Variants in ISG20 observed in about 807,000 individuals in gnomAD.
ISG20 encodes interferon stimulated exonuclease gene 20, also known as interferon-stimulated gene 20 kDa protein.
In ISG20, 8 loss-of-function variants were observed where a neutral mutation model predicts 11.1. The ratio of observed to expected loss-of-function variants is 0.72; its 90% CI spans 0.42 to 1.30. The LOEUF (loss-of-function observed/expected upper bound fraction) is 1.30, where lower values mean the gene tolerates loss of function less well. ISG20 is among the 50% of genes most tolerant of loss of function. The pLI, the probability that ISG20 is intolerant of heterozygous loss-of-function variation, is 0.01. For synonymous variants in ISG20, 110 were observed against 101.7 expected, an observed-to-expected ratio of 1.08 and a Z score of -0.49; for missense variants, 243 against 250.2, an observed-to-expected ratio of 0.97 and a Z score of 0.19.
At position 88,643,151 on chromosome 15, in the gene ISG20, C is replaced by G. The variant is rs967701192; in HGVS notation, c.228+3557C>G. 6.6e-6 allele frequency among the ~76,000 whole-genome samples: 1 copy of G among 152,042 alleles called. No individual in the cohort carries two copies. Among genetic ancestry groups the G allele is most frequent in the Non-Finnish European group, 1.5e-5 (1 of 67,992 alleles). ...TCGAGGAGGCTGAGGTGAAGTATTG[C>G]TTGAGCCCAGGAGTTTGAGGCTGTA... On this transcript the variant is annotated intron_variant, in intron 2 of 3. Transcript: ENST00000306072. The surrounding 1 kb of genome is among the most constrained non-coding windows in gnomAD (Gnocchi z 4.4).
At chr15:88,651,326 A>T in intron 2 of ISG20, 1 of 977,004 alleles carries the variant, frequency 1.0e-6, no homozygotes, top group Non-Finnish European at 1.2e-6. Context: ...GAAGCCATCA[A>T]CTTAGTGATT....
intron 2 of ISG20, chr15:88,649,050 C>T (rs2058227641): frequency 6.6e-6 from 1 of 152,262 alleles, no homozygotes; most frequent in South Asian, 2.1e-4. Context: ...CTTTTCAGAC[C>T]TGCCTCAGTC....
chr15:88,639,657 T>C lies in ISG20; in HGVS notation c.228+63T>C. The C allele has an allele frequency of 7.7e-7, 1 of 1,304,128 alleles. No individual in the cohort carries two copies. The highest frequency in any genetic ancestry group is 1.2e-5 in the South Asian group (1 of 81,562). 80.8% of individuals were successfully genotyped at this position (1,304,128 alleles called of 1,614,324 possible). ...ACCCCTCTCCCACTTCCCTGGCCCC[T>C]CTTCCCTGGTGCCCATCTGTGACCT... On this transcript the variant is annotated intron_variant, in intron 2 of 3. Coordinates refer to ENST00000306072, the MANE Select transcript of ISG20 (RefSeq NM_002201.6). This position sits in a 1 kb window ranked among gnomAD's most constrained non-coding sequence, Gnocchi z 4.2.
At chr15:88,642,680 G>A (rs888666372) in intron 2 of ISG20, among the ~76,000 whole-genome samples, 4 of 152,194 alleles carry the variant, frequency 2.6e-5, no homozygotes, top group Admixed American at 6.5e-5. Flanking sequence ...GTGGCGGCGC[G>A]ATCTCGGCTC....
intron 2 of ISG20, chr15:88,651,866 C>T (rs1567122391): frequency 2.2e-6 from 3 of 1,373,878 alleles, no homozygotes; most frequent in East Asian, 5.7e-5. Flanking sequence ...AACCATTGCT[C>T]CTACACAGTT....
Position 88,652,213 on chromosome 15 carries a change from C to G in ISG20, c.332C>G (p.Ser111Cys). 6.2e-7 allele frequency: 1 copy of G among 1,614,078 alleles called. No homozygotes were observed. Among genetic ancestry groups the G allele is most frequent in the Non-Finnish European group, 8.5e-7 (1 of 1,179,984 alleles). ...AGCGGCTACACAATCTACGACACGT[C>G]CACTGACAGGCTGTTGTGGCGTGAG... is the stretch of plus-strand genomic sequence containing the variant. Reference protein sequence around the residue: ...DMSGYTIYDTSTDRLLWREAK... With the variant: ...DMSGYTIYDTCTDRLLWREAK... Residue 111 changes from serine (S) to cysteine (C), a missense_variant, in exon 3 of 4, where the codon TCC (serine) becomes TGC (cysteine). Coordinates refer to ENST00000306072, the MANE Select transcript of ISG20 (RefSeq NM_002201.6).
upstream of ISG20, among the ~76,000 whole-genome samples, chr15:88,636,935 A>G (rs567779757): frequency 6.6e-6 from 1 of 152,342 alleles, no homozygotes; most frequent in South Asian, 2.1e-4. Context: ...TTCAAGAGTA[A>G]GGGGACAGCA....
chr15:88,651,454 G>T (rs1482217448), intron 2 of ISG20: 1 of 306,072 alleles, frequency 3.3e-6, no homozygotes, highest in Non-Finnish European at 4.8e-6. Context: ...CTCTGGGGAA[G>T]AATCCATTTC....
chr15:88,647,130 G>C (rs61421071), intron 2 of ISG20: 75,551 of 151,718 alleles, frequency 0.5, 19,690 homozygotes, highest in Non-Finnish European at 0.57. Flanking sequence ...GGAGTAGTGA[G>C]TGTGCCCAGC....
At chr15:88,636,767 C>G, upstream of ISG20, among the ~76,000 whole-genome samples, 1 of 152,124 alleles carries the variant, frequency 6.6e-6, no homozygotes. Context: ...TTCCTGGCCT[C>G]AAGCAAATCC....
chr15:88,647,218 C>G (rs2058192142), intron 2 of ISG20: 1 of 151,896 alleles, frequency 6.6e-6, no homozygotes, highest in South Asian at 2.1e-4. Context: ...GTGCTTTAGG[C>G]CACTGATGTG....
At position 88,650,768 on chromosome 15, in the gene ISG20, CATTT is replaced by C. The variant is rs546491684; in HGVS notation, c.229-1322_229-1319del. 2.0e-4 allele frequency: 32 copies of C among 162,018 alleles called. No homozygotes were observed. Among genetic ancestry groups the C allele is most frequent in the South Asian group, 6.4e-4 (4 of 6,220 alleles). The allele number at this position is 162,018 out of a possible 1,614,324, so 10.0% of individuals were successfully genotyped here. On this transcript the variant is annotated intron_variant, in intron 2 of 3. Coordinates refer to ENST00000306072, the MANE Select transcript of ISG20 (RefSeq NM_002201.6). This position sits in a 1 kb window ranked among gnomAD's most constrained non-coding sequence, Gnocchi z 4.0. ...GCATGGTGGCTTTGGGGTGGCCAGA[CATTT>C]ATTTATTTATTTATTTATTGAGACG...
chr15:88,654,374 T>C (rs866872688), intron 3 of ISG20, among the ~76,000 whole-genome samples: 21 of 152,278 alleles, frequency 1.4e-4, no homozygotes, highest in African/African-American at 4.8e-4. Context: ...CAATACAGCG[T>C]AATAACGGCA....
intron 3 of ISG20, among the ~76,000 whole-genome samples, chr15:88,654,892 C>T (rs1041449297): frequency 5.3e-5 from 8 of 152,206 alleles, no homozygotes; most frequent in Non-Finnish European, 1.0e-4. Flanking sequence ...GGCCCACCAT[C>T]CGTCCCCACA....
At chr15:88,635,748 ATG>A (rs565052369), upstream of ISG20, among the ~76,000 whole-genome samples, 235 of 152,140 alleles carry the variant, frequency 1.5e-3, no homozygotes, top group African/African-American at 5.5e-3. Context: ...TGCATATTTT[ATG>A]GTAGTAAGTG....
chr15:88,654,986 C>T (rs1450374187), intron 3 of ISG20, among the ~76,000 whole-genome samples: 5 of 152,292 alleles, frequency 3.3e-5, no homozygotes, highest in South Asian at 2.1e-4. Context: ...GAAATGCTTG[C>T]GGCCTTTCCT....
upstream of ISG20, among the ~76,000 whole-genome samples, chr15:88,637,056 C>T (rs1002878299): frequency 1.3e-5 from 2 of 152,128 alleles, no homozygotes; most frequent in Non-Finnish European, 2.9e-5. Context: ...GGGAGAGGGG[C>T]TTACCTTTGT....
chr15:88,640,582 G>A (rs2058063311), intron 2 of ISG20, among the ~76,000 whole-genome samples: 1 of 152,206 alleles, frequency 6.6e-6, no homozygotes, highest in Non-Finnish European at 1.5e-5. Context: ...TAAAAGAAAA[G>A]AAGGATAATA....
intron 3 of ISG20, among the ~76,000 whole-genome samples, chr15:88,654,320 G>C (rs1056249196): frequency 2.6e-5 from 4 of 152,178 alleles, no homozygotes. Flanking sequence ...ATTAATGATA[G>C]GGTGTCCAAG....
Sources: gnomAD v4.1 joint callset for allele counts (sites outside exome capture counted in the v4.1 genomes callset) on GRCh38, gnomAD v4.1.1 for gene constraint, Gnocchi (gnomAD v3.1) non-coding constraint, MANE v1.5 for transcripts, NCBI Gene and HGNC (gene_info 2026-07-23, HGNC 2026-07-21) for gene names.